Variants in LRP1B observed in about 807,000 individuals in gnomAD.
LRP1B encodes low-density lipoprotein receptor-related protein 1B.
In LRP1B, 217 loss-of-function variants were observed where a neutral mutation model predicts 556.6. The observed-to-expected ratio is 0.39, with a 90% CI of 0.35 to 0.44. LRP1B has a LOEUF of 0.44. LRP1B is among the 20% of genes least tolerant of loss of function. The pLI is 1.00. For synonymous variants in LRP1B, 2,047 were observed against 1,865.8 expected (o/e 1.10, Z -2.50); for missense variants, 5,053 against 5,620.8 (o/e 0.90, Z 3.23).
chr2:141,751,602 T>A (rs1319472149), intron 2 of LRP1B, among the ~76,000 whole-genome samples: 1 of 152,010 alleles, frequency 6.6e-6, no homozygotes, highest in Non-Finnish European at 1.5e-5. Context: ...TCTAACTATA[T>A]CACAAGAAGG....
chr2:140,357,556 A>T (rs1326246174), intron 74 of LRP1B, among the ~76,000 whole-genome samples: 4 of 151,756 alleles, frequency 2.6e-5, no homozygotes, highest in African/African-American at 9.7e-5. Flanking sequence ...AACTAAAAAA[A>T]AAAATCACAT....
chr2:141,049,285 A>T, intron 10 of LRP1B, 63 bp from the exon 11 acceptor site: 1 of 1,046,366 alleles, frequency 9.6e-7, no homozygotes, highest in South Asian at 1.3e-5. Flanking sequence ...ACACTGCATA[A>T]TGCCACCGTT....
At chr2:140,994,771 T>C (rs1467742928) in intron 15 of LRP1B, among the ~76,000 whole-genome samples, 1 of 151,946 alleles carries the variant, frequency 6.6e-6, no homozygotes, top group African/African-American at 2.4e-5. Context: ...TACTTTAAAT[T>C]CAAAAATATG....
intron 3 of LRP1B, among the ~76,000 whole-genome samples, chr2:141,285,927 C>T (rs1685701090): frequency 6.7e-6 from 1 of 149,198 alleles, no homozygotes; most frequent in Non-Finnish European, 1.5e-5. Flanking sequence ...ATTAGCCGGG[C>T]GTAGTGGCGG....
intron 31 of LRP1B, among the ~76,000 whole-genome samples, chr2:140,820,912 TAAAA>T (rs5834782): frequency 1.8e-4 from 26 of 143,744 alleles, no homozygotes; most frequent in East Asian, 4.1e-4. Context: ...GTTGCTTCTT[TAAAA>T]AAAAAAAAAA....
intron 2 of LRP1B, among the ~76,000 whole-genome samples, chr2:141,789,935 T>C (rs993121068): frequency 3.9e-5 from 6 of 151,980 alleles, no homozygotes; most frequent in Admixed American, 2.6e-4. Flanking sequence ...AGCGTCGATA[T>C]GTTACATTAT....
At chr2:141,590,263 CAT>C (rs1687290949) in intron 2 of LRP1B, among the ~76,000 whole-genome samples, 1 of 152,112 alleles carries the variant, frequency 6.6e-6, no homozygotes, top group South Asian at 2.1e-4. Context: ...TAACATGAAA[CAT>C]ATGAACTAAA....
chr2:142,027,210 G>A (rs1320535897), intron 1 of LRP1B, among the ~76,000 whole-genome samples: 1 of 151,790 alleles, frequency 6.6e-6, no homozygotes, highest in African/African-American at 2.4e-5. Flanking sequence ...ATGCATGAAT[G>A]AGGATCCCCA....
intron 84 of LRP1B, among the ~76,000 whole-genome samples, chr2:140,282,004 A>G (rs1231738026): frequency 6.6e-6 from 1 of 151,804 alleles, no homozygotes; most frequent in Non-Finnish European, 1.5e-5. Flanking sequence ...AAAAGAAAAA[A>G]AAATGGCCAG....
intron 60 of LRP1B, among the ~76,000 whole-genome samples, chr2:140,459,200 T>C (rs974717557): frequency 1.3e-4 from 19 of 151,360 alleles, no homozygotes; most frequent in African/African-American, 4.1e-4. Flanking sequence ...GTGAGCTATT[T>C]ATATAAACTA....
At chr2:141,456,934 T>A (rs1051688916) in intron 3 of LRP1B, among the ~76,000 whole-genome samples, 4 of 152,202 alleles carry the variant, frequency 2.6e-5, no homozygotes, top group Non-Finnish European at 5.9e-5. Flanking sequence ...AACTTGTAAT[T>A]CATAAGATAA....
intron 2 of LRP1B, among the ~76,000 whole-genome samples, chr2:141,796,495 A>T (rs1330882135): frequency 2.0e-5 from 3 of 151,970 alleles, no homozygotes; most frequent in Non-Finnish European, 4.4e-5. Flanking sequence ...TTTAAAAAAA[A>T]CTAGGACCAG....
intron 31 of LRP1B, among the ~76,000 whole-genome samples, chr2:140,819,111 G>C (rs1291567472): frequency 1.3e-5 from 2 of 152,128 alleles, no homozygotes; most frequent in African/African-American, 4.8e-5. Context: ...ACCATTGTGA[G>C]GTGGTAATGA....
chr2:140,345,731 T>TATATATACATATATATACAC (rs1681620621), intron 77 of LRP1B, among the ~76,000 whole-genome samples: 1 of 122,888 alleles, frequency 8.1e-6, no homozygotes, highest in Non-Finnish European at 1.9e-5. Flanking sequence ...TATATACACA[T>TATATATACATATATATACAC]ATATATACAT....
chr2:140,503,198 T>C, intron 53 of LRP1B, 95 bp from the exon 54 acceptor site: 1 of 1,025,630 alleles, frequency 9.8e-7, no homozygotes, highest in Non-Finnish European at 1.4e-6. Flanking sequence ...TTAATGTGGA[T>C]TACTCATGTC....
At chr2:141,372,315 G>A (rs1035914235) in intron 3 of LRP1B, among the ~76,000 whole-genome samples, 6 of 151,954 alleles carry the variant, frequency 3.9e-5, no homozygotes, top group Non-Finnish European at 7.4e-5. Context: ...TTGTGCCTAT[G>A]TTCATCGGAG....
intron 32 of LRP1B, among the ~76,000 whole-genome samples, chr2:140,802,795 G>C (rs945156214): frequency 1.3e-5 from 2 of 152,126 alleles, no homozygotes; most frequent in African/African-American, 4.8e-5. Flanking sequence ...GCATTGACCA[G>C]AGCCAATCCT....
At position 140,840,925 on chromosome 2, in the gene LRP1B, C is replaced by T. The variant is rs1178173310; in HGVS notation, c.5107G>A (p.Val1703Ile). ...AAAAAAATCATACTTTACCCCCTGA[C>T]TGGGTGAGCTGCAAGACACTGTGGC... ...DKPQCLAAHPVRGKLYWTDGN... is the reference protein window; with the variant it reads ...DKPQCLAAHPIRGKLYWTDGN... The change falls in exon 30 of 91, where the codon GTC becomes ATC. Residue 1703 changes from valine to isoleucine, a missense_variant. Physicochemically the swap from Val to Ile is conservative, Grantham distance 29. This residue lies in a region of LRP1B where 3,619 missense variants were observed against 3,931.9 expected (regional missense o/e 0.92). Transcript: ENST00000389484. The T allele has an allele frequency of 5.6e-5, 89 of 1,600,522 alleles. No homozygotes were observed. The highest frequency in any genetic ancestry group is 7.5e-5 in the Non-Finnish European group (88 of 1,174,042).
intron 1 of LRP1B, among the ~76,000 whole-genome samples, chr2:142,113,667 C>A (rs1449484): frequency 1 from 152,220 of 152,222 alleles, 76,109 homozygotes; most frequent in Non-Finnish European, 1. Flanking sequence ...TACATTGAAA[C>A]AGTGGAGATC....
Sources: gnomAD v4.1 joint callset for allele counts (sites outside exome capture counted in the v4.1 genomes callset) on GRCh38, gnomAD v4.1.1 for gene constraint, gnomAD v4.1.1 regional missense constraint, MANE v1.5 for transcripts, NCBI Gene and HGNC (gene_info 2026-07-23, HGNC 2026-07-21) for gene names.